Variants in ZNF718 observed in about 807,000 individuals in gnomAD.
ZNF718 encodes the protein zinc finger protein 718.
A neutral mutation model predicts 2.6 loss-of-function variants in ZNF718; 3 were observed. That is an observed-to-expected ratio of 1.16 (90% CI 0.53 to 3.01). The LOEUF (loss-of-function observed/expected upper bound fraction) is 3.01, where lower values mean the gene tolerates loss of function less well. Ranked by LOEUF, ZNF718 falls within the 30% of genes most tolerant of loss-of-function variation. The pLI is 0.03. For missense variants in ZNF718, 468 were observed against 230.0 expected (o/e 2.03, Z -6.69); for synonymous variants, 135 against 77.9 (o/e 1.73, Z -3.86).
intron 3 of ZNF718, among the ~76,000 whole-genome samples, chr4:189,442 C>T (rs1037909152): frequency 4.6e-5 from 7 of 151,500 alleles, no homozygotes; most frequent in Non-Finnish European, 8.8e-5. Flanking sequence ...TTTAGTATGT[C>T]GATTACTGTT....
At chr4:145,761 C>CT (rs1560114466) in intron 3 of ZNF718, among the ~76,000 whole-genome samples, 1 of 152,018 alleles carries the variant, frequency 6.6e-6, no homozygotes, top group African/African-American at 2.4e-5. Context: ...CCCAGTGCTT[C>CT]TTTTTTTAAA....
chr4:160,507 A>T (rs1475816384), intron 3 of ZNF718, among the ~76,000 whole-genome samples: 4 of 152,120 alleles, frequency 2.6e-5, no homozygotes, highest in Admixed American at 2.0e-4. Context: ...TATATATTAG[A>T]TTTGTAATTG....
intron 3 of ZNF718, among the ~76,000 whole-genome samples, chr4:146,950 C>T (rs1716093586): frequency 6.6e-6 from 1 of 151,992 alleles, no homozygotes; most frequent in South Asian, 2.1e-4. Context: ...TGTACTTTTG[C>T]ATCTTACTGA....
chr4:156,153 A>G (rs1198823711), intron 3 of ZNF718, among the ~76,000 whole-genome samples: 6 of 152,154 alleles, frequency 3.9e-5, no homozygotes, highest in African/African-American at 1.4e-4. Context: ...ATCTTTGGGT[A>G]TGTTTATCAG....
intron 3 of ZNF718, among the ~76,000 whole-genome samples, chr4:186,178 G>A (rs1717563233): frequency 6.6e-6 from 1 of 152,114 alleles, no homozygotes; most frequent in African/African-American, 2.4e-5. Flanking sequence ...TGGCAAGTCT[G>A]CTGGTAATAA....
chr4:172,947 A>C (rs1717269695), intron 3 of ZNF718, among the ~76,000 whole-genome samples: 1 of 152,160 alleles, frequency 6.6e-6, no homozygotes. Flanking sequence ...CAGGAGGCTG[A>C]GGCAGGAGAA....
chr4:166,991 A>T (rs1455968075), downstream of ZNF718, among the ~76,000 whole-genome samples: 2 of 152,136 alleles, frequency 1.3e-5, no homozygotes, highest in African/African-American at 4.8e-5. Flanking sequence ...TTAGGCTAAC[A>T]TTTAAGTCTT....
downstream of ZNF718, among the ~76,000 whole-genome samples, chr4:166,256 A>G (rs1371678765): frequency 6.6e-6 from 1 of 152,152 alleles, no homozygotes; most frequent in East Asian, 1.9e-4. Flanking sequence ...ACACTGTTGG[A>G]CATTTGGGTT....
chr4:188,665 A>G (rs150627120), intron 3 of ZNF718, among the ~76,000 whole-genome samples: 1 of 152,308 alleles, frequency 6.6e-6, no homozygotes, highest in African/African-American at 2.4e-5. Flanking sequence ...CTGAGACTCC[A>G]CACAACTCTG....
chr4:190,881 A>G (rs1717679656), intron 3 of ZNF718, among the ~76,000 whole-genome samples: 1 of 151,944 alleles, frequency 6.6e-6, no homozygotes, highest in Non-Finnish European at 1.5e-5. Context: ...TCTACTAAAA[A>G]TACAAAAATT....
In ZNF718 at chr4:161,950, C is replaced by G. The variant is rs1716899943; in HGVS notation, c.1265C>G (p.Pro422Arg). 1 of 779,768 alleles carries G rather than the reference C, an allele frequency of 1.3e-6. No homozygotes were observed. The highest frequency in any genetic ancestry group is 1.3e-5 in the South Asian group (1 of 74,478). The allele number at this position is 779,768 out of a possible 1,614,324, so 48.3% of individuals were successfully genotyped here. ...NHKKIHTGEK[P>R]YICKQCGKAF... ...AAGAAAATTCATACTGGAGAGAAAC[C>G]CTACATATGTAAACAATGTGGCAAA... is the stretch of plus-strand genomic sequence containing the variant. Residue 422 changes from proline to arginine, a missense_variant, in exon 4 of 4, where the codon CCC (proline) becomes CGC (arginine). Pro to Arg is a moderately radical substitution (Grantham distance 103, BLOSUM62 -2). Coordinates refer to ENST00000510175, the MANE Select transcript of ZNF718 (RefSeq NM_001039127.6).
chr4:170,278 A>G (rs1553817714), intron 3 of ZNF718, among the ~76,000 whole-genome samples: 1 of 152,060 alleles, frequency 6.6e-6, no homozygotes, highest in Admixed American at 6.6e-5. Context: ...GCTGCCCTTA[A>G]CATTTTTTCC....
chr4:124,785 C>T (rs1715118976), intron 1 of ZNF718, 112 bp downstream of exon 1: 3 of 1,451,538 alleles, frequency 2.1e-6, no homozygotes, highest in South Asian at 1.3e-5. Context: ...GCCCTCTGTC[C>T]TCAGTCCCCT....
intron 3 of ZNF718, among the ~76,000 whole-genome samples, chr4:178,907 C>T (rs1248239778): frequency 6.6e-6 from 1 of 152,106 alleles, no homozygotes; most frequent in African/African-American, 2.4e-5. Flanking sequence ...GATATAGTAC[C>T]ATTTTTTATT....
rs1715347983 is a variant in ZNF718, at chr4:131,476, A to G, written c.197A>G (p.Lys66Arg). 1 of 521,616 alleles carries G rather than the reference A, an allele frequency of 1.9e-6. No individual in the cohort carries two copies. The highest frequency in any genetic ancestry group is 3.1e-6 in the Non-Finnish European group (1 of 327,446). 32.3% of individuals were successfully genotyped at this position (521,616 alleles called of 1,614,324 possible). ...CAAAGAAAAGAGCCCTACAATTTGA[A>G]GATACATGAAACAGCAGCCAGACCC... ...LEQRKEPYNL[K>R]IHETAARPPA... Residue 66 changes from lysine to arginine, a missense_variant, in exon 3 of 4, where the codon AAG (lysine) becomes AGG (arginine). Physicochemically the swap from Lys to Arg is conservative, Grantham distance 26 (BLOSUM62 2). Transcript: ENST00000510175.
At chr4:165,923 TG>T (rs1314163981), downstream of ZNF718, among the ~76,000 whole-genome samples, 6 of 152,156 alleles carry the variant, frequency 3.9e-5, no homozygotes, top group African/African-American at 9.7e-5. Context: ...TATGTATACA[TG>T]TGCACATGTG....
chr4:150,683 T>G (rs191138044), intron 3 of ZNF718, among the ~76,000 whole-genome samples: 138 of 152,334 alleles, frequency 9.1e-4, no homozygotes, highest in Non-Finnish European at 1.6e-3. Context: ...ATATATTGGC[T>G]ATTATAAATA....
intron 3 of ZNF718, 68 bp from the exon 4 acceptor site, chr4:160,844 C>T (rs1256858641): frequency 8.8e-6 from 6 of 684,874 alleles, no homozygotes; most frequent in Non-Finnish European, 1.6e-5. Flanking sequence ...AGCTATAGTG[C>T]CTGGCCTGTA....
At chr4:133,195 A>AAATATATATAT (rs1258303094) in intron 3 of ZNF718, among the ~76,000 whole-genome samples, 1 of 20,774 alleles carries the variant, frequency 4.8e-5, no homozygotes, top group Non-Finnish European at 8.8e-5. Flanking sequence ...AAAAAAAAAA[A>AAATATATATAT]ATATATATAT....
Sources: gnomAD v4.1 joint callset for allele counts (sites outside exome capture counted in the v4.1 genomes callset) on GRCh38, gnomAD v4.1.1 for gene constraint, MANE v1.5 for transcripts, NCBI Gene and HGNC (gene_info 2026-07-23, HGNC 2026-07-21) for gene names.